FDFT1: variants seen among roughly 807,000 people sequenced by gnomAD.
The protein encoded by FDFT1 is farnesyl-diphosphate farnesyltransferase 1, also known as squalene synthase.
A neutral mutation model predicts 46.8 loss-of-function variants in FDFT1; 68 were observed. That is an observed-to-expected ratio of 1.45 (90% CI 1.19 to 1.78). The LOEUF is 1.78. FDFT1 is among the 40% of genes most tolerant of loss of function. The pLI, the probability that FDFT1 is intolerant of heterozygous loss-of-function variation, is 0.00. For synonymous variants in FDFT1, 351 were observed against 185.1 expected (o/e 1.90, Z -7.28); for missense variants, 928 against 524.4 (o/e 1.77, Z -7.52).
chr8:11,816,294 G>C (rs1248612122), intron 3 of FDFT1, among the ~76,000 whole-genome samples: 1 of 152,180 alleles, frequency 6.6e-6, no homozygotes, highest in Non-Finnish European at 1.5e-5. Flanking sequence ...TTTGAAGTCA[G>C]GTAGCGTGAT....
chr8:11,829,670 C>T (rs535846301), intron 5 of FDFT1, among the ~76,000 whole-genome samples: 60 of 152,264 alleles, frequency 3.9e-4, no homozygotes, highest in African/African-American at 1.3e-3. Flanking sequence ...TGCAGTGTTG[C>T]ACTAGTTGTC....
rs1809530309 is a variant in FDFT1 at position 11,823,425 on chromosome 8, C to G, written c.510+1547C>G. On this transcript the variant is annotated intron_variant, in intron 4 of 7. Coordinates refer to ENST00000220584, the MANE Select transcript of FDFT1 (RefSeq NM_004462.5). ...TAATTCTTTTGAAGATTTTGTATAG[C>G]TGTCCAAAGCCAATTTCTGTCTACC... is the stretch of plus-strand genomic sequence containing the variant. Among the ~76,000 whole-genome samples the G allele has an allele frequency of 2.0e-5, 3 of 152,062 alleles. No individual in the cohort carries two copies. In the South Asian group the frequency reaches 6.2e-4, roughly 32 times the overall value.
At chr8:11,838,252 T>C (rs943424798) in intron 7 of FDFT1, 136 bp from the exon 8 acceptor site, 2 of 696,924 alleles carry the variant, frequency 2.9e-6, no homozygotes, top group Admixed American at 2.2e-5. Flanking sequence ...GGGTAAGTTA[T>C]GTTCATGTTC....
chr8:11,817,609 G>C (rs897039192), intron 3 of FDFT1, among the ~76,000 whole-genome samples: 5 of 152,128 alleles, frequency 3.3e-5, no homozygotes, highest in Admixed American at 2.0e-4. Flanking sequence ...TGTATGTGTC[G>C]AGGAATGTAT....
chr8:11,834,438 G>A (rs373574337), intron 7 of FDFT1, among the ~76,000 whole-genome samples: 7 of 152,254 alleles, frequency 4.6e-5, no homozygotes, highest in South Asian at 2.1e-4. Context: ...AATCTTGTTC[G>A]TGTCTCTGCA....
chr8:11,798,955 T>A (rs1040171684), upstream of FDFT1, among the ~76,000 whole-genome samples: 1 of 152,222 alleles, frequency 6.6e-6, no homozygotes, highest in Admixed American at 6.5e-5. Flanking sequence ...ACGGGCACTT[T>A]GAAGGAAAAG....
Position 11,809,798 on chromosome 8 carries a change from G to A in FDFT1, c.329G>A (p.Arg110Gln), listed in dbSNP as rs749113831. ...FHSFLYQPDW[R>Q]FMESKEKDRQ... The stretch of plus-strand genomic sequence containing the variant: ...TCTTTCCTTTACCAACCAGACTGGC[G>A]GTTCATGGAGAGCAAGGAGAAGGAT... Residue 110 changes from arginine to glutamine, a missense_variant, in exon 3 of 8, where the codon CGG (arginine) becomes CAG (glutamine). Transcript: ENST00000220584. 5.6e-5 allele frequency: 90 copies of A among 1,614,008 alleles called. No individual in the cohort carries two copies. The highest frequency in any genetic ancestry group is 1.3e-4 in the Admixed American group (8 of 60,006).
chr8:11,838,682 T>G lies in FDFT1; in HGVS notation c.*73T>G. 8.5e-7 allele frequency: 1 copy of G among 1,182,720 alleles called. No individual in the cohort carries two copies. Among genetic ancestry groups the G allele is most frequent in the Non-Finnish European group, 1.3e-6 (1 of 794,776 alleles). 73.3% of individuals were successfully genotyped at this position (1,182,720 alleles called of 1,614,324 possible). On this transcript the variant is annotated 3_prime_UTR_variant, in exon 8 of 8. Transcript: ENST00000220584. ...TTTTTCTTTAAGGATGGATGTTGTG[T>G]TCTCTTTATTTTTTTCCTACTACTT...
chr8:11,817,630 T>C (rs905691121), intron 3 of FDFT1, among the ~76,000 whole-genome samples: 2 of 152,248 alleles, frequency 1.3e-5, no homozygotes, highest in African/African-American at 4.8e-5. Context: ...CCATTTCTTC[T>C]GGATTTTCTA....
intron 3 of FDFT1, among the ~76,000 whole-genome samples, chr8:11,814,900 G>C (rs999777875): frequency 6.6e-6 from 1 of 151,922 alleles, no homozygotes; most frequent in African/African-American, 2.4e-5. Flanking sequence ...TTAAGTTCTA[G>C]GGTACATGTG....
At chr8:11,830,657 C>G (rs1810648500) in intron 6 of FDFT1, among the ~76,000 whole-genome samples, 1 of 152,188 alleles carries the variant, frequency 6.6e-6, no homozygotes, top group African/African-American at 2.4e-5. Flanking sequence ...CTATTTTCTA[C>G]AGCTATCCTA....
chr8:11,800,711 G>A (rs1266893147), upstream of FDFT1, among the ~76,000 whole-genome samples: 1 of 152,204 alleles, frequency 6.6e-6, no homozygotes, highest in African/African-American at 2.4e-5. Flanking sequence ...CTTTATCATA[G>A]CTAGCAGATA....
At chr8:11,797,119 C>T (rs906803441) in intron 1 of FDFT1, among the ~76,000 whole-genome samples, 1 of 152,206 alleles carries the variant, frequency 6.6e-6, no homozygotes, top group Non-Finnish European at 1.5e-5. Flanking sequence ...GGTAAACTGA[C>T]ATGGCAAACT....
chr8:11,808,425 G>A (rs955707682), intron 1 of FDFT1: 383 of 1,257,620 alleles, frequency 3.0e-4, no homozygotes, highest in Admixed American at 4.5e-4. Flanking sequence ...GCGCGTATTC[G>A]AGTAGAGGGC....
upstream of FDFT1, chr8:11,802,637 G>A (rs1465222627): frequency 3.4e-6 from 2 of 594,816 alleles, no homozygotes; most frequent in Admixed American, 2.9e-5. Context: ...CCCACCCCAC[G>A]AGGCCGCAGC....
At chr8:11,797,379 T>G (rs936961153), upstream of FDFT1, among the ~76,000 whole-genome samples, 1 of 152,180 alleles carries the variant, frequency 6.6e-6, no homozygotes, top group African/African-American at 2.4e-5. Flanking sequence ...GATTAGGGGC[T>G]CTCTAACAAA....
chr8:11,808,279 G>A (rs1207123389), intron 1 of FDFT1: 86 of 1,220,064 alleles, frequency 7.0e-5, no homozygotes, highest in Non-Finnish European at 8.3e-5. Context: ...CGAGCCGCTC[G>A]GAAGTGCGCT....
chr8:11,821,377 G>C (rs1809214620), intron 3 of FDFT1, among the ~76,000 whole-genome samples: 1 of 152,208 alleles, frequency 6.6e-6, no homozygotes, highest in Admixed American at 6.5e-5. Flanking sequence ...TGGATCATGA[G>C]GTCAGGAATT....
At chr8:11,832,443 A>C (rs1810932162) in intron 7 of FDFT1, among the ~76,000 whole-genome samples, 1 of 149,992 alleles carries the variant, frequency 6.7e-6, no homozygotes, top group African/African-American at 2.4e-5. Context: ...CCAGCTACTC[A>C]GGAGGCTGAG....
Sources: gnomAD v4.1 joint callset for allele counts (sites outside exome capture counted in the v4.1 genomes callset) on GRCh38, gnomAD v4.1.1 for gene constraint, MANE v1.5 for transcripts, NCBI Gene and HGNC (gene_info 2026-07-23, HGNC 2026-07-21) for gene names.